ZNF610: variants seen among roughly 807,000 people sequenced by gnomAD.
ZNF610 encodes zinc finger protein 610.
ZNF610 carries 14 observed loss-of-function variants against 14.1 expected under a neutral mutation model. That is an observed-to-expected ratio of 0.99 (90% confidence interval 0.65 to 1.55). The LOEUF is 1.55. ZNF610 is among the 40% of genes most tolerant of loss of function. The pLI, the probability that ZNF610 is intolerant of heterozygous loss-of-function variation, is 0.00. For synonymous variants in ZNF610, 185 were observed against 187.6 expected (o/e 0.99, Z 0.11); for missense variants, 530 against 558.0 (o/e 0.95, Z 0.51).
At chr19:52,363,449 T>C (rs1172090424) in intron 5 of ZNF610, among the ~76,000 whole-genome samples, 1 of 152,160 alleles carries the variant, frequency 6.6e-6, no homozygotes, top group African/African-American at 2.4e-5. Context: ...CTATCCATTT[T>C]TGAAAATGAA....
Position 52,340,244 on chromosome 19 carries a change from C to T in ZNF610, c.-258+3738C>T, listed in dbSNP as rs111661797. Among the ~76,000 whole-genome samples the T allele has an allele frequency of 3.6e-3, 551 of 152,112 alleles. 7 individuals are homozygous for T. The highest frequency in any genetic ancestry group is 0.03 in the East Asian group (155 of 5,146). On this transcript the variant is annotated intron_variant, in intron 1 of 5. Coordinates refer to ENST00000403906, the MANE Select transcript of ZNF610 (RefSeq NM_001161425.2). ...GGTGAAAAATAAAAAATTAGCTGGGCGTAGTGGCTTGTGCCTGTAATCCCA... is the reference window on the plus strand; with the variant it reads ...GGTGAAAAATAAAAAATTAGCTGGGTGTAGTGGCTTGTGCCTGTAATCCCA...
intron 1 of ZNF610, among the ~76,000 whole-genome samples, chr19:52,337,162 G>C (rs575533657): frequency 2.6e-5 from 4 of 151,164 alleles, no homozygotes; most frequent in South Asian, 4.2e-4. Flanking sequence ...GGGCAGAAAG[G>C]GGGAGGCTCC....
intron 3 of ZNF610, 85 bp from the exon 4 acceptor site, chr19:52,353,597 G>C: frequency 6.8e-7 from 1 of 1,463,564 alleles, no homozygotes; most frequent in Non-Finnish European, 9.4e-7. Flanking sequence ...ATTTTTAATA[G>C]CTTAATATTC....
In ZNF610 at chr19:52,363,221, C is replaced by T. The variant is rs113275142; in HGVS notation, c.320-2477C>T. The stretch of plus-strand genomic sequence containing the variant: ...CTCAGCTCACTGCAACCTCCACCTC[C>T]CAGGTTCAAGCGATTCTTATGCCTC... On this transcript the variant is annotated intron_variant, in intron 5 of 5. Coordinates refer to ENST00000403906, the MANE Select transcript of ZNF610 (RefSeq NM_001161425.2). Among the ~76,000 whole-genome samples the T allele has an allele frequency of 2.4e-3, 362 of 152,038 alleles. 2 individuals carry two copies. The highest frequency in any genetic ancestry group is 3.8e-3 in the Non-Finnish European group (260 of 67,974).
intron 5 of ZNF610, 78 bp from the exon 6 acceptor site, chr19:52,365,620 G>A (rs1985982330): frequency 7.7e-7 from 1 of 1,299,808 alleles, no homozygotes; most frequent in Non-Finnish European, 1.1e-6. Context: ...AGTTGGGTGA[G>A]GCTGATTCTG....
At chr19:52,349,604 G>T (rs1263070537) in intron 3 of ZNF610, among the ~76,000 whole-genome samples, 2 of 147,096 alleles carry the variant, frequency 1.4e-5, no homozygotes, top group African/African-American at 2.5e-5. Context: ...ACAGAGTCTT[G>T]CTGTGTCACC....
the ZNF610 span, chr19:52,330,346 C>G: frequency 2.6e-5 from 4 of 152,094 alleles, no homozygotes; most frequent in Admixed American, 1.3e-4. Context: ...CTTTTCTGCT[C>G]CCAGGATGGT....
chr19:52,362,219 T>C (rs188373816), intron 5 of ZNF610, among the ~76,000 whole-genome samples: 34 of 152,354 alleles, frequency 2.2e-4, no homozygotes, highest in Admixed American at 2.2e-3. Context: ...AAGACCAGTC[T>C]GACCAACATG....
upstream of ZNF610, among the ~76,000 whole-genome samples, chr19:52,332,307 T>A (rs775372374): frequency 6.6e-6 from 1 of 152,224 alleles, no homozygotes; most frequent in Non-Finnish European, 1.5e-5. The surrounding 1 kb of genome is among the most constrained non-coding windows in gnomAD (Gnocchi z 4.1). Context: ...CTATTATGCG[T>A]AACCCATGGT....
intron 5 of ZNF610, among the ~76,000 whole-genome samples, chr19:52,357,644 C>CAA (rs71180445): frequency 1.3e-3 from 73 of 57,514 alleles, no homozygotes; most frequent in Non-Finnish European, 1.8e-3. Context: ...GCCTCCATCT[C>CAA]AAAAAAAAAA....
Position 52,354,378 on chromosome 19 carries a change from A to G in ZNF610, c.318A>G (p.Thr106=). The change falls in exon 5 of 6, where the codon ACA becomes ACG. Residue 106 remains threonine, a splice_region_variant and synonymous_variant. Coordinates refer to ENST00000403906, the MANE Select transcript of ZNF610 (RefSeq NM_001161425.2). ...DGRECVRSVN[T]GRSCVLGSNA... The stretch of plus-strand genomic sequence containing the variant: ...GGGAATGTGTCAGAAGCGTGAACAC[A>G]GGTAAGAGCTCTGATGGGCAGTGTG... 1 of 1,613,998 alleles carries G rather than the reference A, an allele frequency of 6.2e-7. No individual in the cohort carries two copies. The highest frequency in any genetic ancestry group is 1.1e-5 in the South Asian group (1 of 91,080).
upstream of ZNF610, among the ~76,000 whole-genome samples, chr19:52,334,264 C>T (rs1159199441): frequency 6.8e-6 from 1 of 146,256 alleles, no homozygotes. Context: ...CCTGTAATCC[C>T]AGCACTTTGG....
chr19:52,331,965 C>A (rs1984224795), upstream of ZNF610, among the ~76,000 whole-genome samples: 1 of 152,140 alleles, frequency 6.6e-6, no homozygotes, highest in Admixed American at 6.6e-5. Flanking sequence ...CGAAGTGGCA[C>A]CCTGAACAGC....
upstream of ZNF610, among the ~76,000 whole-genome samples, chr19:52,331,569 C>G (rs112913669): frequency 1.5e-4 from 23 of 152,310 alleles, no homozygotes; most frequent in African/African-American, 5.3e-4. Flanking sequence ...AACTGTTTAT[C>G]AAGAATGCAG....
chr19:52,333,123 T>C (rs1984246867), upstream of ZNF610, among the ~76,000 whole-genome samples: 1 of 152,166 alleles, frequency 6.6e-6, no homozygotes, highest in Non-Finnish European at 1.5e-5. Context: ...GGACAGAGGA[T>C]ACACTACAGC....
Position 52,355,159 on chromosome 19 carries a change from C to T in ZNF610, c.319+780C>T, listed in dbSNP as rs2560978. Among the ~76,000 whole-genome samples the T allele has an allele frequency of 4.0e-3, 602 of 152,206 alleles. 8 individuals carry two copies. The East Asian group carries it at 0.061, about 15-fold the overall frequency. ...TGAAGAACACAGGGAGCATTGTTGC[C>T]AGGGGTCTCTTTCCCCTGTGGTCTT... On this transcript the variant is annotated intron_variant, in intron 5 of 5. Transcript: ENST00000403906.
rs1384961442 is a variant in ZNF610 at position 52,349,244 on chromosome 19, A to C, written c.63+9A>C. On this transcript the variant is annotated intron_variant, in intron 3 of 5. Transcript: ENST00000403906. Reference sequence around the variant, plus strand: ...GGATGGCTCTTCCTCAGGTAAAGTGATATTCTCGGTGGTTGGTTCTCTCTG... The same window carrying C: ...GGATGGCTCTTCCTCAGGTAAAGTGCTATTCTCGGTGGTTGGTTCTCTCTG... 2 of 1,612,376 alleles carry C rather than the reference A, an allele frequency of 1.2e-6. No individual in the cohort carries two copies. Among genetic ancestry groups the C allele is most frequent in the Non-Finnish European group, 1.7e-6 (2 of 1,179,674 alleles).
intron 1 of ZNF610, among the ~76,000 whole-genome samples, chr19:52,341,427 A>G (rs528109057): frequency 1.5e-3 from 225 of 151,994 alleles, no homozygotes; most frequent in African/African-American, 5.3e-3. Flanking sequence ...CTTCTGCCTC[A>G]GCCTCCTGAG....
upstream of ZNF610, among the ~76,000 whole-genome samples, chr19:52,333,267 C>A (rs1292032373): frequency 6.6e-6 from 1 of 152,214 alleles, no homozygotes; most frequent in African/African-American, 2.4e-5. Flanking sequence ...CGAAACTGCG[C>A]AGCCAAGCAG....
Sources: gnomAD v4.1 joint callset for allele counts (sites outside exome capture counted in the v4.1 genomes callset) on GRCh38, gnomAD v4.1.1 for gene constraint, Gnocchi (gnomAD v3.1) non-coding constraint, MANE v1.5 for transcripts, NCBI Gene and HGNC (gene_info 2026-07-23, HGNC 2026-07-21) for gene names.